The following RFLNA variants were observed in gnomAD, a reference collection of about 807,000 sequenced individuals.
RFLNA encodes refilin A.
RFLNA carries 5 observed loss-of-function variants against 7.8 expected under a neutral mutation model. That is an observed-to-expected ratio of 0.64 (90% CI 0.34 to 1.35). The LOEUF is 1.35. Among genes scored for constraint, RFLNA ranks in the 40% most tolerant of loss-of-function variants. The pLI, the probability that RFLNA is intolerant of heterozygous loss-of-function variation, is 0.04. For synonymous variants in RFLNA, 141 were observed against 131.3 expected, an observed-to-expected ratio of 1.07 and a Z score of -0.50; for missense variants, 278 against 305.5, an observed-to-expected ratio of 0.91 and a Z score of 0.67.
chr12:124,296,072 T>TTTTCTTTCTTCTTTCTTTC (rs2033904412), intron 1 of RFLNA, among the ~76,000 whole-genome samples: 6 of 94,650 alleles, frequency 6.3e-5, no homozygotes, highest in Non-Finnish European at 1.2e-4. Context: ...TGTGAAAGCC[T>TTTTCTTTCTTCTTTCTTTC]TTTCTTTCTT....
chr12:124,315,058 C>T lies in RFLNA; in HGVS notation c.*533C>T, dbSNP rs766731698. The T allele has an allele frequency of 2.6e-4, 59 of 228,500 alleles. No homozygotes were observed. Among genetic ancestry groups the T allele is most frequent in the Non-Finnish European group, 3.6e-4 (41 of 113,464 alleles). 14.2% of individuals were successfully genotyped at this position (228,500 alleles called of 1,614,324 possible). ...AGCCTTTTCGCACACATGCAGGTTG[C>T]ACCGAGAGGTCTGGAGCTGTGGCTG... On this transcript the variant is annotated 3_prime_UTR_variant, in exon 3 of 3. Coordinates refer to ENST00000546355, the MANE Select transcript of RFLNA (RefSeq NM_001365156.1).
chr12:124,312,728 G>A (rs2034267540), intron 2 of RFLNA, among the ~76,000 whole-genome samples: 1 of 152,218 alleles, frequency 6.6e-6, no homozygotes, highest in South Asian at 2.1e-4. Flanking sequence ...CTTTGTGACT[G>A]TAACTTAGGT....
At chr12:124,298,656 A>G (rs548590481) in intron 1 of RFLNA, among the ~76,000 whole-genome samples, 1 of 152,190 alleles carries the variant, frequency 6.6e-6, no homozygotes, top group Non-Finnish European at 1.5e-5. Flanking sequence ...CTGGCATCCT[A>G]GCGGAAGAGA....
At chr12:124,311,218 A>G (rs969909606) in intron 1 of RFLNA, among the ~76,000 whole-genome samples, 2 of 152,122 alleles carry the variant, frequency 1.3e-5, no homozygotes, top group Non-Finnish European at 2.9e-5. Context: ...ATGTGGTGCC[A>G]TTTCTAGAAG....
Position 124,311,874 on chromosome 12 carries a change from A to G in RFLNA, c.264A>G (p.Pro88=). 6.4e-7 allele frequency: 1 copy of G among 1,555,280 alleles called. No individual in the cohort carries two copies. The highest frequency in any genetic ancestry group is 8.7e-7 in the Non-Finnish European group (1 of 1,145,182). The change falls in exon 2 of 3, where the codon CCA becomes CCG. Residue 88 remains proline, a synonymous_variant. Coordinates refer to ENST00000546355, the MANE Select transcript of RFLNA (RefSeq NM_001365156.1). ...CGGAGATGAGGCCCCGGATGCTGCCAGTGTTCTTTGGGGAGAGCATCAAGG... is the reference window on the plus strand; with the variant it reads ...CGGAGATGAGGCCCCGGATGCTGCCGGTGTTCTTTGGGGAGAGCATCAAGG... ...PASEMRPRML[P]VFFGESIKVN...
At chr12:124,290,729 C>T (rs2033811368), upstream of RFLNA, among the ~76,000 whole-genome samples, 1 of 152,210 alleles carries the variant, frequency 6.6e-6, no homozygotes, top group Non-Finnish European at 1.5e-5. This position sits in a 1 kb window ranked among gnomAD's most constrained non-coding sequence, Gnocchi z 4.0. Context: ...GCGAAAATTT[C>T]CCTGGCACCA....
chr12:124,314,402 G>A lies in RFLNA; in HGVS notation c.528G>A (p.Arg176=). 6.2e-7 allele frequency: 1 copy of A among 1,609,648 alleles called. No homozygotes were observed. The highest frequency in any genetic ancestry group is 8.5e-7 in the Non-Finnish European group (1 of 1,179,896). The change falls in exon 3 of 3, where the codon AGG becomes AGA. Residue 176 remains arginine, a synonymous_variant. Transcript: ENST00000546355. ...STTIIFPKHA[R]STFRTTLHCS... is the part of the protein sequence containing the mutation. ...CCATCATCTTCCCCAAGCATGCCAG[G>A]AGCACTTTCCGGACCACCCTGCACT...
chr12:124,296,049 C>T (rs776511392), intron 1 of RFLNA, among the ~76,000 whole-genome samples: 5 of 149,834 alleles, frequency 3.3e-5, no homozygotes, highest in Admixed American at 2.0e-4. Flanking sequence ...GTTTACTGTC[C>T]GGGCGCTGCC....
chr12:124,308,006 G>A (rs2034167509), intron 1 of RFLNA, among the ~76,000 whole-genome samples: 2 of 145,008 alleles, frequency 1.4e-5, no homozygotes, highest in South Asian at 2.2e-4. Context: ...TTTTGAGACA[G>A]AGTCCCGCTC....
intron 1 of RFLNA, 167 bp from the exon 2 acceptor site, chr12:124,311,651 G>GGGCTTCCTGATGGGCCCCACAAAGC (rs539001422): frequency 8.9e-6 from 5 of 562,040 alleles, no homozygotes; most frequent in Non-Finnish European, 1.5e-5. Context: ...CGTCTGGGGT[G>GGGCTTCCTGATGGGCCCCACAAAGC]GGCTTCCTGA....
chr12:124,314,425 A>G lies in RFLNA; in HGVS notation c.551A>G (p.His184Arg). 1.9e-6 allele frequency: 3 copies of G among 1,605,200 alleles called. No homozygotes were observed. Among genetic ancestry groups the G allele is most frequent in the Admixed American group, 1.7e-5 (1 of 60,014 alleles). The change falls in exon 3 of 3, where the codon CAC (histidine) becomes CGC (arginine). Residue 184 changes from histidine to arginine, a missense_variant. His to Arg is a conservative substitution (Grantham distance 29). Coordinates refer to ENST00000546355, the MANE Select transcript of RFLNA (RefSeq NM_001365156.1). The stretch of plus-strand genomic sequence containing the variant: ...AGGAGCACTTTCCGGACCACCCTGC[A>G]CTGCAGCCTGGGCCGGCCCAGCCGC... ...HARSTFRTTL[H>R]CSLGRPSRWF... is the part of the protein sequence containing the mutation.
upstream of RFLNA, among the ~76,000 whole-genome samples, chr12:124,294,380 G>T (rs942064695): frequency 6.6e-6 from 1 of 152,214 alleles, no homozygotes; most frequent in Non-Finnish European, 1.5e-5. Context: ...GTGGGGTGGG[G>T]GGCGTCTGTG....
At chr12:124,312,761 C>T (rs1299430232) in intron 2 of RFLNA, among the ~76,000 whole-genome samples, 1 of 148,776 alleles carries the variant, frequency 6.7e-6, no homozygotes, top group Non-Finnish European at 1.5e-5. Flanking sequence ...CCATGAGCTA[C>T]TGCACTGTAA....
upstream of RFLNA, among the ~76,000 whole-genome samples, chr12:124,290,444 ATG>A (rs1313416074): frequency 6.6e-6 from 1 of 151,996 alleles, no homozygotes; most frequent in African/African-American, 2.4e-5. The surrounding 1 kb of genome is among the most constrained non-coding windows in gnomAD (Gnocchi z 4.0). Context: ...ATACATGTGT[ATG>A]TGTATATATG....
Position 124,314,769 on chromosome 12 carries a change from T to G in RFLNA, c.*244T>G, listed in dbSNP as rs1445494564. ...GCATCTATTTTTTTAGCACTTAAGC[T>G]GGCAAGGCGGTAGGGGCATGCACTG... On this transcript the variant is annotated 3_prime_UTR_variant, in exon 3 of 3. Coordinates refer to ENST00000546355, the MANE Select transcript of RFLNA (RefSeq NM_001365156.1). The G allele has an allele frequency of 1.3e-6, 1 of 743,442 alleles. No homozygotes were observed. The highest frequency in any genetic ancestry group is 2.0e-5 in the Admixed American group (1 of 49,540). 46.1% of individuals were successfully genotyped at this position (743,442 alleles called of 1,614,324 possible). A position where few individuals can be genotyped will look rare whatever the true frequency, so the allele number is the denominator to read the frequency against.
At chr12:124,313,359 C>T (rs540976196) in intron 2 of RFLNA, among the ~76,000 whole-genome samples, 13 of 152,272 alleles carry the variant, frequency 8.5e-5, no homozygotes, top group African/African-American at 3.1e-4. Flanking sequence ...TCTTGGAAAA[C>T]GTATTTTGAT....
chr12:124,290,366 T>A (rs1478964471), upstream of RFLNA, among the ~76,000 whole-genome samples: 1 of 151,954 alleles, frequency 6.6e-6, no homozygotes, highest in African/African-American at 2.4e-5. The surrounding 1 kb of genome is among the most constrained non-coding windows in gnomAD (Gnocchi z 4.0). Context: ...ATGTGTGTAT[T>A]TGTGTGTTTG....
At position 124,306,540 on chromosome 12, in the gene RFLNA, T is replaced by G. The variant is rs566628761; in HGVS notation, c.208-5278T>G. Among the ~76,000 whole-genome samples the G allele has an allele frequency of 6.6e-6, 1 of 151,688 alleles. No homozygotes were observed. The highest frequency in any genetic ancestry group is 1.5e-5 in the Non-Finnish European group (1 of 67,900). On this transcript the variant is annotated intron_variant, in intron 1 of 2. Transcript: ENST00000546355. The surrounding 1 kb of genome is among the most constrained non-coding windows in gnomAD (Gnocchi z 5.2). ...ATGAAAGGCAGTGGAGGAGCGAGGG[T>G]GAGGGCCCGGGACCTGGAGCCGCAC...
chr12:124,310,764 G>C (rs928284325), intron 1 of RFLNA, among the ~76,000 whole-genome samples: 3 of 152,140 alleles, frequency 2.0e-5, no homozygotes, highest in Non-Finnish European at 2.9e-5. Flanking sequence ...TGGAGCTGTG[G>C]GGTGGATTTG....
Sources: allele counts gnomAD v4.1 joint callset (sites outside exome capture counted in the v4.1 genomes callset), GRCh38; gene constraint gnomAD v4.1.1; non-coding constraint Gnocchi (gnomAD v3.1); transcripts MANE v1.5; gene names NCBI Gene and HGNC (gene_info 2026-07-23, HGNC 2026-07-21).